Variants in CHAF1A observed in about 807,000 individuals in gnomAD.
CHAF1A encodes CAF-1 subunit A.
Under a neutral mutation model 93.2 loss-of-function variants are expected in CHAF1A, and 5 were observed. The ratio of observed to expected loss-of-function variants is 0.05; its 90% confidence interval spans 0.03 to 0.11. The LOEUF (loss-of-function observed/expected upper bound fraction) is 0.11. CHAF1A is among the 10% of genes least tolerant of loss of function. CHAF1A has a pLI of 1.00. For missense variants in CHAF1A, 1,102 were observed against 1,259.9 expected, an observed-to-expected ratio of 0.87 and a Z score of 1.90; for synonymous variants, 504 against 510.3, an observed-to-expected ratio of 0.99 and a Z score of 0.17.
chr19:4,439,413 G>T (rs1025303067), intron 13 of CHAF1A, among the ~76,000 whole-genome samples: 8 of 152,214 alleles, frequency 5.3e-5, no homozygotes, highest in African/African-American at 1.9e-4. Flanking sequence ...AGCACTTGCA[G>T]TGCTGCTGGC....
rs1445786809 is a variant in CHAF1A, at chr19:4,423,282, C to T, written c.1248-53C>T. The T allele has an allele frequency of 1.2e-5, 20 of 1,611,150 alleles. 1 individual carries two copies. In the Admixed American group the frequency reaches 3.4e-4, roughly 27 times the overall value. On this transcript the variant is annotated intron_variant, in intron 5 of 14. Transcript: ENST00000301280. ...ATACTAACAGTTGAGTGCTGCGGTC[C>T]CTTCCAGAGCCAAAGCAAAGAGTCG...
the CHAF1A span, chr19:4,450,221 C>CAAAAAAAAAAAAAAAAAAAAAAAA: frequency 2.0e-5 from 1 of 49,180 alleles, no homozygotes; most frequent in African/African-American, 6.6e-5. Context: ...GACTCTGTCT[C>CAAAAAAAAAAAAAAAAAAAAAAAA]AAAAAAAAAA....
In CHAF1A at chr19:4,433,647, C is replaced by A; in HGVS notation, c.2673+108C>A. The A allele has an allele frequency of 1.1e-6, 1 of 917,004 alleles. No homozygotes were observed. The highest frequency in any genetic ancestry group is 1.6e-6 in the Non-Finnish European group (1 of 617,282). 56.8% of individuals were successfully genotyped at this position (917,004 alleles called of 1,614,324 possible). A position where few individuals can be genotyped will look rare whatever the true frequency, so the allele number is the denominator to read the frequency against. On this transcript the variant is annotated intron_variant, in intron 13 of 14. Transcript: ENST00000301280. The surrounding 1 kb of genome is among the most constrained non-coding windows in gnomAD (Gnocchi z 5.6). ...ATGGAGTCCTGCTCTGTCACCCAGGCTGGAGTGCAGTGGCGCAATCTCAGC... is the reference window on the plus strand; with the variant it reads ...ATGGAGTCCTGCTCTGTCACCCAGGATGGAGTGCAGTGGCGCAATCTCAGC...
chr19:4,442,651 G>A (rs1974415221), intron 14 of CHAF1A, among the ~76,000 whole-genome samples: 1 of 152,246 alleles, frequency 6.6e-6, no homozygotes. Context: ...GATTTCTGGA[G>A]CACTCGCCAA....
Position 4,409,414 on chromosome 19 carries a change from G to T in CHAF1A, c.615G>T (p.Arg205=). 6.2e-7 allele frequency: 1 copy of T among 1,614,146 alleles called. No homozygotes were observed. Residue 205 remains arginine, a synonymous_variant, in exon 3 of 15, where the codon CGG becomes CGT. Transcript: ENST00000301280. ...GCGACTCCCAGGAATGTTCGCCACGGAGCTGCCCGGAGCTGACGAGTGGCC... is the reference window on the plus strand; with the variant it reads ...GCGACTCCCAGGAATGTTCGCCACGTAGCTGCCCGGAGCTGACGAGTGGCC... The part of the protein sequence containing the change: ...RRGDSQECSP[R]SCPELTSGPR...
chr19:4,446,573 C>G (rs1467330190), downstream of CHAF1A: 5 of 1,612,618 alleles, frequency 3.1e-6, no homozygotes, highest in Non-Finnish European at 4.2e-6. Flanking sequence ...AACTGCGAGG[C>G]CAGGGGCGAG....
At chr19:4,429,942 C>G in intron 10 of CHAF1A, 154 bp downstream of exon 10, 1 of 650,980 alleles carries the variant, frequency 1.5e-6, no homozygotes, top group South Asian at 1.9e-5. Flanking sequence ...CGCACCTCAA[C>G]ATCCAGACTT....
chr19:4,423,727 T>G, intron 6 of CHAF1A, 79 bp from the exon 7 acceptor site: 1 of 1,387,644 alleles, frequency 7.2e-7, no homozygotes, highest in Non-Finnish European at 1.0e-6. Flanking sequence ...CGTTCGGTTC[T>G]GGGGGCCTTT....
chr19:4,442,972 G>T lies in CHAF1A; in HGVS notation c.2818G>T (p.Gly940Trp), dbSNP rs749611108. 6.2e-7 allele frequency: 1 copy of T among 1,605,126 alleles called. No individual in the cohort carries two copies. Among genetic ancestry groups the T allele is most frequent in the South Asian group, 1.1e-5 (1 of 88,676 alleles). ...GAASGAGGGV[G>W]VDTGKATLTA... ...CGCTTCCGGAGCTGGGGGTGGTGTG[G>T]GGGTGGACACCGGCAAGGCCACCCT... The change falls in exon 15 of 15, where the codon GGG becomes TGG. Residue 940 changes from glycine (G) to tryptophan (W), a missense_variant. By Grantham distance (184) the Gly-to-Trp change is radical. Around this residue, in one of 6 missense-constraint regions of CHAF1A, gnomAD observed 119 missense variants for 102.2 expected, o/e 1.16. Transcript: ENST00000301280.
At chr19:4,416,525 C>T (rs148563849) in intron 3 of CHAF1A, among the ~76,000 whole-genome samples, 1 of 152,082 alleles carries the variant, frequency 6.6e-6, no homozygotes, top group Non-Finnish European at 1.5e-5. Context: ...AAATATTGTG[C>T]CCTAGAAGGT....
intron 4 of CHAF1A, among the ~76,000 whole-genome samples, chr19:4,421,314 T>C (rs1599648284): frequency 1.3e-5 from 2 of 152,106 alleles, no homozygotes; most frequent in Admixed American, 1.3e-4. Flanking sequence ...CCTCAAGCAA[T>C]TTGTCTGCCT....
intron 2 of CHAF1A, among the ~76,000 whole-genome samples, chr19:4,407,116 G>C (rs1253706622): frequency 6.6e-6 from 1 of 151,944 alleles, no homozygotes; most frequent in African/African-American, 2.4e-5. Flanking sequence ...CTACTCAGGA[G>C]GCCGAGGCAA....
In CHAF1A at chr19:4,402,844, G is replaced by A. The variant is rs986606704; in HGVS notation, c.52+30G>A. On this transcript the variant is annotated intron_variant, in intron 1 of 14. Coordinates refer to ENST00000301280, the MANE Select transcript of CHAF1A (RefSeq NM_005483.3). Reference sequence around the variant, plus strand: ...GTTCGGGCCCGCGCCGAGGGGAAGGGGGGGCGCGGCGCGCGGCCTGGACGG... The same window carrying A: ...GTTCGGGCCCGCGCCGAGGGGAAGGAGGGGCGCGGCGCGCGGCCTGGACGG... 1.0e-5 allele frequency: 12 copies of A among 1,184,918 alleles called. No individual in the cohort carries two copies. In the Admixed American group the frequency reaches 2.2e-4, roughly 22 times the overall value. 73.4% of individuals were successfully genotyped at this position (1,184,918 alleles called of 1,614,324 possible).
Position 4,423,531 on chromosome 19 carries a change from G to A in CHAF1A, c.1308+136G>A, listed in dbSNP as rs946483447. The A allele has an allele frequency of 1.4e-5, 21 of 1,465,622 alleles. No individual in the cohort carries two copies. The African/African-American group carries it at 2.8e-4, about 20-fold the overall frequency. 90.8% of individuals were successfully genotyped at this position (1,465,622 alleles called of 1,614,324 possible). ...CAAATGGCGCCCGCAGGGAGGGCGA[G>A]TCTGTCTAGATGCGTTCTTGTTGCT... is the stretch of plus-strand genomic sequence containing the variant. On this transcript the variant is annotated intron_variant, in intron 6 of 14. Coordinates refer to ENST00000301280, the MANE Select transcript of CHAF1A (RefSeq NM_005483.3).
intron 4 of CHAF1A, 49 bp downstream of exon 4, chr19:4,418,125 A>G (rs1973927847): frequency 7.7e-7 from 1 of 1,302,158 alleles, no homozygotes; most frequent in Admixed American, 2.0e-5. Flanking sequence ...TGCTTTTTGC[A>G]TTAAATAGTA....
At chr19:4,427,516 G>T in intron 7 of CHAF1A, among the ~76,000 whole-genome samples, 1 of 143,892 alleles carries the variant, frequency 6.9e-6, no homozygotes, top group Middle Eastern at 3.7e-3. Context: ...AGATCCAAAC[G>T]ATTCTCCCGC....
chr19:4,441,107 C>G (rs949238887), intron 13 of CHAF1A, among the ~76,000 whole-genome samples: 1 of 151,692 alleles, frequency 6.6e-6, no homozygotes, highest in African/African-American at 2.4e-5. Flanking sequence ...CACTTCAGGT[C>G]AAGAGTTCGA....
rs199970268 is a variant in CHAF1A, at chr19:4,429,701, T to C, written c.1774-7T>C. ...CAGTTGTGAGTCCCATGTGTTTCTT[T>C]TCTCAGAAGCTCCTGGACTATGAGG... On this transcript the variant is annotated splice_region_variant and splice_polypyrimidine_tract_variant and intron_variant, in intron 9 of 14. Transcript: ENST00000301280. 7.4e-6 allele frequency: 12 copies of C among 1,614,102 alleles called. No individual in the cohort carries two copies. In the East Asian group the frequency reaches 2.5e-4, roughly 33 times the overall value.
At chr19:4,448,735 C>T (rs1974594695), downstream of CHAF1A, 2 of 364,622 alleles carry the variant, frequency 5.5e-6, no homozygotes, top group Non-Finnish European at 1.0e-5. Context: ...AACTCGACCT[C>T]AGTGCTGAGA....
Sources: gnomAD v4.1 joint callset for allele counts (sites outside exome capture counted in the v4.1 genomes callset) on GRCh38, gnomAD v4.1.1 for gene constraint, gnomAD v4.1.1 regional missense constraint, Gnocchi (gnomAD v3.1) non-coding constraint, MANE v1.5 for transcripts, NCBI Gene and HGNC (gene_info 2026-07-23, HGNC 2026-07-21) for gene names.